The following GPBP1 variants were observed in gnomAD, a reference collection of about 807,000 sequenced individuals.
GPBP1 encodes the protein vasculin.
In GPBP1, 13 loss-of-function variants were observed where a neutral mutation model predicts 56.5. The ratio of observed to expected loss-of-function variants is 0.23; its 90% CI spans 0.15 to 0.37. GPBP1 has a LOEUF of 0.37. Among genes scored for constraint, GPBP1 ranks in the 10% least tolerant of loss-of-function variants. GPBP1 has a pLI of 1.00. For missense variants in GPBP1, 477 were observed against 572.3 expected, an observed-to-expected ratio of 0.83 and a Z score of 1.70; for synonymous variants, 204 against 188.9, an observed-to-expected ratio of 1.08 and a Z score of -0.66.
intron 10 of GPBP1, among the ~76,000 whole-genome samples, chr5:57,254,896 A>G (rs1741580412): frequency 6.6e-6 from 1 of 152,182 alleles, no homozygotes; most frequent in Non-Finnish European, 1.5e-5. Context: ...TAACCACACT[A>G]TTTTTATTGC....
At chr5:57,217,992 C>G (rs1426112661) in intron 3 of GPBP1, among the ~76,000 whole-genome samples, 1 of 152,018 alleles carries the variant, frequency 6.6e-6, no homozygotes, top group Admixed American at 6.6e-5. Context: ...TTCAGGCAAG[C>G]TGTGTTCATT....
intron 9 of GPBP1, among the ~76,000 whole-genome samples, chr5:57,250,616 C>G (rs1741338222): frequency 6.7e-6 from 1 of 149,134 alleles, no homozygotes; most frequent in African/African-American, 2.5e-5. Flanking sequence ...GATCTTGGCT[C>G]ACTGCAACCT....
At chr5:57,229,938 A>ATCGCG (rs1554070398) in intron 3 of GPBP1, among the ~76,000 whole-genome samples, 1 of 83,586 alleles carries the variant, frequency 1.2e-5, no homozygotes, top group Non-Finnish European at 2.3e-5. Context: ...GTTGCATCGC[A>ATCGCG]TCGCGTCCCG....
intron 2 of GPBP1, among the ~76,000 whole-genome samples, chr5:57,191,022 C>T (rs1462966775): frequency 1.3e-5 from 2 of 151,864 alleles, no homozygotes; most frequent in African/African-American, 2.4e-5. Flanking sequence ...GTGATCTGCC[C>T]GCCTTGGCCT....
chr5:57,220,820 C>G (rs1044304257), intron 3 of GPBP1, among the ~76,000 whole-genome samples: 2 of 150,018 alleles, frequency 1.3e-5, no homozygotes, highest in African/African-American at 4.9e-5. Flanking sequence ...GTGGTTTTGA[C>G]AAACACAATA....
intron 3 of GPBP1, among the ~76,000 whole-genome samples, chr5:57,220,703 ACCTGACTCGG>A (rs1755920256): frequency 6.6e-6 from 1 of 151,796 alleles, no homozygotes; most frequent in Admixed American, 6.6e-5. Context: ...CAGGTGATCA[ACCTGACTCGG>A]CCTCTCATAG....
chr5:57,250,716 T>C (rs1230628522), intron 9 of GPBP1, among the ~76,000 whole-genome samples: 2 of 152,058 alleles, frequency 1.3e-5, no homozygotes, highest in African/African-American at 4.8e-5. Flanking sequence ...CTAATTTTTT[T>C]GTATTTTTAG....
chr5:57,213,246 T>A (rs1362928730), intron 2 of GPBP1, among the ~76,000 whole-genome samples: 2 of 152,042 alleles, frequency 1.3e-5, no homozygotes, highest in Non-Finnish European at 2.9e-5. Context: ...AGATGGGGTT[T>A]CACCATGTTG....
intron 9 of GPBP1, 113 bp downstream of exon 9, chr5:57,249,689 A>G: frequency 1.2e-6 from 1 of 865,570 alleles, no homozygotes; most frequent in Non-Finnish European, 1.7e-6. Flanking sequence ...AGAAACTTGG[A>G]AAGCCATTTG....
intron 2 of GPBP1, among the ~76,000 whole-genome samples, chr5:57,199,458 T>G (rs776890619): frequency 8.5e-5 from 13 of 152,070 alleles, no homozygotes; most frequent in Non-Finnish European, 1.9e-4. Context: ...GAAAGGAAAT[T>G]GGATGAAGGA....
rs1305246303 is a variant in GPBP1, at chr5:57,186,512, T to C, written c.-58+10112T>C. Among the ~76,000 whole-genome samples the C allele has an allele frequency of 2.0e-5, 3 of 152,126 alleles. No individual in the cohort carries two copies. The East Asian group carries it at 5.8e-4, about 29-fold the overall frequency. On this transcript the variant is annotated intron_variant, in intron 2 of 11. Transcript: ENST00000506184. Reference sequence around the variant, plus strand: ...TAGAAGTTGTGTAATTTCGTTCTTATCTTTTAGGTCTTTGATTCATTTTGA... The same window carrying C: ...TAGAAGTTGTGTAATTTCGTTCTTACCTTTTAGGTCTTTGATTCATTTTGA...
chr5:57,217,247 C>G (rs1451597452), intron 3 of GPBP1, among the ~76,000 whole-genome samples: 4 of 151,844 alleles, frequency 2.6e-5, no homozygotes, highest in Admixed American at 1.3e-4. Context: ...TTTGATGGGC[C>G]TTCCCTCCAG....
intron 9 of GPBP1, among the ~76,000 whole-genome samples, chr5:57,250,661 G>C (rs1032975521): frequency 4.0e-5 from 6 of 151,132 alleles, no homozygotes; most frequent in African/African-American, 1.5e-4. Flanking sequence ...TCCTGCCACA[G>C]CCTCCCAAGC....
intron 2 of GPBP1, among the ~76,000 whole-genome samples, chr5:57,189,696 T>TA (rs767876705): frequency 6.6e-5 from 10 of 152,232 alleles, no homozygotes; most frequent in Admixed American, 2.0e-4. Flanking sequence ...TAAAACCCTT[T>TA]AATGTCTTTC....
chr5:57,195,875 C>T (rs1354337959), intron 2 of GPBP1, among the ~76,000 whole-genome samples: 2 of 144,240 alleles, frequency 1.4e-5, no homozygotes, highest in East Asian at 2.0e-4. Flanking sequence ...TGGTGGCATG[C>T]GCCTGTAGTC....
chr5:57,212,508 G>A (rs1364187363), intron 2 of GPBP1, among the ~76,000 whole-genome samples: 1 of 151,976 alleles, frequency 6.6e-6, no homozygotes, highest in African/African-American at 2.4e-5. Context: ...TTTCATGAGT[G>A]TTTTATTGGA....
At chr5:57,260,775 A>G (rs555136372) in intron 10 of GPBP1, among the ~76,000 whole-genome samples, 13 of 152,310 alleles carry the variant, frequency 8.5e-5, no homozygotes, top group African/African-American at 3.1e-4. Flanking sequence ...CAAATGAAGT[A>G]GCTATTGATG....
intron 3 of GPBP1, among the ~76,000 whole-genome samples, chr5:57,219,404 C>CAAAAAAAAA (rs1491436205): frequency 4.0e-5 from 1 of 25,140 alleles, no homozygotes; most frequent in Non-Finnish European, 6.6e-5. Context: ...AAAAAAAAAA[C>CAAAAAAAAA]CAAAAACAAA....
At chr5:57,241,504 T>C (rs1019392338) in intron 6 of GPBP1, among the ~76,000 whole-genome samples, 1 of 152,054 alleles carries the variant, frequency 6.6e-6, no homozygotes, top group Non-Finnish European at 1.5e-5. Flanking sequence ...GGTGGGAAGA[T>C]CAGTTGAAGC....
Sources: gnomAD v4.1 joint callset for allele counts (sites outside exome capture counted in the v4.1 genomes callset) on GRCh38, gnomAD v4.1.1 for gene constraint, MANE v1.5 for transcripts, NCBI Gene and HGNC (gene_info 2026-07-23, HGNC 2026-07-21) for gene names.